The following VWC2L variants were observed in gnomAD, a reference collection of about 807,000 sequenced individuals.
The protein encoded by VWC2L is von Willebrand factor C domain containing 2 like.
In VWC2L, 10 loss-of-function variants were observed where a neutral mutation model predicts 21.6. The observed-to-expected ratio is 0.46, with a 90% CI of 0.29 to 0.78. The LOEUF (loss-of-function observed/expected upper bound fraction) is 0.78. Among genes scored for constraint, VWC2L ranks in the 30% least tolerant of loss-of-function variants. The pLI is 0.10. For missense variants in VWC2L, 209 were observed against 277.1 expected (o/e 0.75, Z 1.74); for synonymous variants, 96 against 94.3 (o/e 1.02, Z -0.10).
rs181326503 is a variant in VWC2L at position 214,555,660 on chromosome 2, G to T, written c.521-20012G>T. On this transcript the variant is annotated intron_variant, in intron 3 of 3. Transcript: ENST00000312504. Reference sequence around the variant, plus strand: ...GGCAGCATTTCTCCTGATCGCTGTTGTCTCTACCATCCCCACTTCTAAATG... The same window carrying T: ...GGCAGCATTTCTCCTGATCGCTGTTTTCTCTACCATCCCCACTTCTAAATG... Among the ~76,000 whole-genome samples the T allele has an allele frequency of 6.4e-4, 97 of 152,272 alleles. 1 individual carries two copies. The highest frequency in any genetic ancestry group is 3.4e-3 in the Middle Eastern group (1 of 292).
intron 3 of VWC2L, among the ~76,000 whole-genome samples, chr2:214,498,597 T>A (rs1688843616): frequency 6.6e-6 from 1 of 151,246 alleles, no homozygotes; most frequent in South Asian, 2.1e-4. Flanking sequence ...TCTTTTAATA[T>A]GTTCTATGTT....
chr2:214,486,427 T>C (rs1688673578), intron 3 of VWC2L, among the ~76,000 whole-genome samples: 1 of 152,266 alleles, frequency 6.6e-6, no homozygotes, highest in African/African-American at 2.4e-5. Flanking sequence ...TCACCTTCTC[T>C]TAATTATTCA....
At chr2:214,421,925 T>C (rs1702448289) in intron 2 of VWC2L, among the ~76,000 whole-genome samples, 2 of 126,042 alleles carry the variant, frequency 1.6e-5, no homozygotes, top group East Asian at 2.4e-4. Flanking sequence ...GGAGTTTCGC[T>C]CTGTCGCCCA....
intron 3 of VWC2L, among the ~76,000 whole-genome samples, chr2:214,493,260 G>T (rs540295026): frequency 1.1e-3 from 161 of 152,298 alleles, no homozygotes; most frequent in African/African-American, 3.8e-3. Context: ...TTTAAATAAA[G>T]TATGACTAGT....
chr2:214,496,686 ATTG>A (rs1574597670), intron 3 of VWC2L, among the ~76,000 whole-genome samples: 2 of 152,338 alleles, frequency 1.3e-5, no homozygotes, highest in South Asian at 2.1e-4. Context: ...ATTGCTTAAA[ATTG>A]TTGTTGACAA....
At chr2:214,573,609 A>G (rs927817632) in intron 3 of VWC2L, among the ~76,000 whole-genome samples, 1 of 152,128 alleles carries the variant, frequency 6.6e-6, no homozygotes, top group African/African-American at 2.4e-5. Flanking sequence ...GTCTGTCAAC[A>G]ACGGCCCCAG....
chr2:214,440,452 G>A (rs1000817437), intron 3 of VWC2L, among the ~76,000 whole-genome samples: 2 of 151,740 alleles, frequency 1.3e-5, no homozygotes, highest in Admixed American at 6.6e-5. Context: ...TCAGCCCCAG[G>A]CCTTTCCATG....
At chr2:214,516,568 G>T (rs1007512154) in intron 3 of VWC2L, among the ~76,000 whole-genome samples, 2 of 151,826 alleles carry the variant, frequency 1.3e-5, no homozygotes, top group Non-Finnish European at 2.9e-5. Context: ...TTAATCTAAA[G>T]AGTGCATTGG....
rs561811967 is a variant in VWC2L at position 214,565,314 on chromosome 2, T to C, written c.521-10358T>C. Among the ~76,000 whole-genome samples the C allele has an allele frequency of 6.6e-5, 10 of 152,336 alleles. No homozygotes were observed. In the East Asian group the frequency reaches 1.7e-3, roughly 26 times the overall value. ...CTCTTTTATTGAGCTTGCAACCTCTTTGTTATCCCTTAACTTAGACTTTCT... is the reference window on the plus strand; with the variant it reads ...CTCTTTTATTGAGCTTGCAACCTCTCTGTTATCCCTTAACTTAGACTTTCT... On this transcript the variant is annotated intron_variant, in intron 3 of 3. Transcript: ENST00000312504.
At chr2:214,475,187 G>T (rs2126194648) in intron 3 of VWC2L, among the ~76,000 whole-genome samples, 1 of 152,252 alleles carries the variant, frequency 6.6e-6, no homozygotes, top group East Asian at 1.9e-4. Context: ...GAAAATATAT[G>T]TTGAGAAGTT....
At chr2:214,536,191 AT>A (rs1056703548) in intron 3 of VWC2L, among the ~76,000 whole-genome samples, 1 of 151,912 alleles carries the variant, frequency 6.6e-6, no homozygotes, top group Non-Finnish European at 1.5e-5. Flanking sequence ...TAAAGATTTG[AT>A]TTTTTTTCTT....
At chr2:214,532,042 G>T (rs924983744) in intron 3 of VWC2L, among the ~76,000 whole-genome samples, 1 of 152,052 alleles carries the variant, frequency 6.6e-6, no homozygotes, top group Non-Finnish European at 1.5e-5. Flanking sequence ...TGATTATAAT[G>T]GTTGTAACAT....
At chr2:214,550,496 C>A (rs1048828981) in intron 3 of VWC2L, among the ~76,000 whole-genome samples, 2 of 152,138 alleles carry the variant, frequency 1.3e-5, no homozygotes, top group African/African-American at 2.4e-5. Flanking sequence ...TCCCCACCTG[C>A]CACATATCAT....
intron 3 of VWC2L, among the ~76,000 whole-genome samples, chr2:214,444,594 T>TG (rs1410648229): frequency 6.6e-6 from 1 of 151,960 alleles, no homozygotes; most frequent in Non-Finnish European, 1.5e-5. Flanking sequence ...GTTAAATACA[T>TG]GAAAAAATGC....
Position 214,560,772 on chromosome 2 carries a change from CAT to C in VWC2L, c.521-14899_521-14898del, listed in dbSNP as rs373427809. ...ATGGTTCCGAATGCCAAGTTTCACA[CAT>C]GTCTCCTTCATTCTCAAGCTGTCAT... On this transcript the variant is annotated intron_variant, in intron 3 of 3. Transcript: ENST00000312504. 3.3e-3 allele frequency among the ~76,000 whole-genome samples: 495 copies of C among 152,296 alleles called. 2 individuals are homozygous for C. The highest frequency in any genetic ancestry group is 0.011 in the African/African-American group (444 of 41,562).
intron 2 of VWC2L, among the ~76,000 whole-genome samples, chr2:214,429,232 G>T (rs1315034760): frequency 6.6e-6 from 1 of 152,150 alleles, no homozygotes; most frequent in Non-Finnish European, 1.5e-5. Context: ...ATAAACGGGC[G>T]ATAAATGTAG....
chr2:214,479,418 A>C (rs1411989035), intron 3 of VWC2L, among the ~76,000 whole-genome samples: 1 of 152,144 alleles, frequency 6.6e-6, no homozygotes, highest in Non-Finnish European at 1.5e-5. Context: ...TTGAATTTTT[A>C]TCTCTTTTTG....
At chr2:214,488,898 A>G (rs1004257017) in intron 3 of VWC2L, among the ~76,000 whole-genome samples, 10 of 152,128 alleles carry the variant, frequency 6.6e-5, no homozygotes, top group African/African-American at 1.7e-4. Flanking sequence ...GAACTCACTC[A>G]CTGCCACCCT....
intron 3 of VWC2L, among the ~76,000 whole-genome samples, chr2:214,562,551 C>G (rs189240517): frequency 6.6e-6 from 1 of 152,236 alleles, no homozygotes; most frequent in African/African-American, 2.4e-5. Flanking sequence ...GGTTCTAGAT[C>G]TTTGAGGAAT....
Sources: gnomAD v4.1 joint callset for allele counts (sites outside exome capture counted in the v4.1 genomes callset) on GRCh38, gnomAD v4.1.1 for gene constraint, MANE v1.5 for transcripts, NCBI Gene and HGNC (gene_info 2026-07-23, HGNC 2026-07-21) for gene names.